The following SNX21 variants were observed in gnomAD, a reference collection of about 807,000 sequenced individuals.
The protein encoded by SNX21 is sorting nexin-21.
A neutral mutation model predicts 30.9 loss-of-function variants in SNX21; 36 were observed. The ratio of observed to expected loss-of-function variants is 1.16; its 90% CI spans 0.89 to 1.54. The LOEUF (loss-of-function observed/expected upper bound fraction) is 1.54. SNX21 is among the 40% of genes most tolerant of loss of function. The pLI, the probability that SNX21 is intolerant of heterozygous loss-of-function variation, is 0.00. For missense variants in SNX21, 508 were observed against 516.5 expected (o/e 0.98, Z 0.16); for synonymous variants, 218 against 222.7 (o/e 0.98, Z 0.19).
intron 3 of SNX21, chr20:45,840,353 G>T: frequency 6.2e-7 from 1 of 1,613,072 alleles, no homozygotes; most frequent in Non-Finnish European, 8.5e-7. Context: ...ATGCTCTATG[G>T]GAAGGGAGTA....
In SNX21 at chr20:45,834,476, CAGG is replaced by C; in HGVS notation, c.289+13_289+15del. 2 of 1,594,272 alleles carry C rather than the reference CAGG, an allele frequency of 1.3e-6. No individual in the cohort carries two copies. The highest frequency in any genetic ancestry group is 8.5e-7 in the Non-Finnish European group (1 of 1,174,970). ...CGTCAGGAGAAGACGCAGGCGAGTG[CAGG>C]AGGACGGAGGCGGGAACCCTGGGGC... On this transcript the variant is annotated intron_variant, in intron 2 of 3. Transcript: ENST00000491381.
chr20:45,834,336 C>T lies in SNX21; in HGVS notation c.157C>T (p.Leu53=), dbSNP rs1286320592. The T allele has an allele frequency of 4.4e-6, 7 of 1,599,576 alleles. No homozygotes were observed. Among genetic ancestry groups the T allele is most frequent in the Non-Finnish European group, 4.2e-6 (5 of 1,177,460 alleles). The change falls in exon 2 of 4, where the codon CTG becomes TTG. Residue 53 remains leucine, a synonymous_variant. Transcript: ENST00000491381. The stretch of plus-strand genomic sequence containing the variant: ...GCTGGAGGACGACGACGCCGAGGGC[C>T]TGTCCTCCCGACTCAGCGGCACCCT... ...SELEDDDAEG[L]SSRLSGTLSF...
At position 45,834,262 on chromosome 20, in the gene SNX21, G is replaced by T; in HGVS notation, c.83G>T (p.Gly28Val). The T allele has an allele frequency of 1.3e-6, 2 of 1,582,722 alleles. No individual in the cohort carries two copies. Among genetic ancestry groups the T allele is most frequent in the Non-Finnish European group, 1.7e-6 (2 of 1,171,166 alleles). Residue 28 changes from glycine to valine, a missense_variant, in exon 2 of 4, where the codon GGG becomes GTG. Gly to Val is a moderately radical substitution (Grantham distance 109, BLOSUM62 -3). Transcript: ENST00000491381. The part of the protein sequence containing the change: ...LRHALAGDGP[G>V]EAAASPEAEQ... ...CACGCCTTGGCCGGCGACGGCCCCG[G>T]GGAGGCGGCGGCCAGTCCAGAGGCC...
Position 45,842,515 on chromosome 20 carries a change from G to A in SNX21, c.*1202G>A, listed in dbSNP as rs1984293130. 2.0e-6 allele frequency: 2 copies of A among 1,015,484 alleles called. No individual in the cohort carries two copies. Among genetic ancestry groups the A allele is most frequent in the South Asian group, 4.0e-5 (1 of 25,088 alleles). 62.9% of individuals were successfully genotyped at this position (1,015,484 alleles called of 1,614,324 possible). ...CACTACCACCACCAAGGGGAAGAAAGGACTCAGAAGAGAGGACTTGAGGCC... is the reference window on the plus strand; with the variant it reads ...CACTACCACCACCAAGGGGAAGAAAAGACTCAGAAGAGAGGACTTGAGGCC... On this transcript the variant is annotated 3_prime_UTR_variant, in exon 4 of 4. Coordinates refer to ENST00000491381, the MANE Select transcript of SNX21 (RefSeq NM_033421.4).
chr20:45,842,638 C>T lies in SNX21; in HGVS notation c.*1325C>T, dbSNP rs1321989904. 8.1e-6 allele frequency: 8 copies of T among 992,868 alleles called. No individual in the cohort carries two copies. Among genetic ancestry groups the T allele is most frequent in the Non-Finnish European group, 9.6e-6 (8 of 834,508 alleles). 61.5% of individuals were successfully genotyped at this position (992,868 alleles called of 1,614,324 possible). A position where few individuals can be genotyped will look rare whatever the true frequency, so the allele number is the denominator to read the frequency against. ...TTTATGAGGATGATTGCTGGTTTCC[C>T]TTACACATAGCAGAGCTCACTCAGT... On this transcript the variant is annotated 3_prime_UTR_variant, in exon 4 of 4. Transcript: ENST00000491381.
At position 45,842,089 on chromosome 20, in the gene SNX21, C is replaced by T; in HGVS notation, c.*776C>T. ...CGCCTGGGTTCAAGGGATCCTCCCG[C>T]CTCAGCCTCCTGAGCAGCTGGGATT... On this transcript the variant is annotated 3_prime_UTR_variant, in exon 4 of 4. Coordinates refer to ENST00000491381, the MANE Select transcript of SNX21 (RefSeq NM_033421.4). 2 of 1,537,890 alleles carry T rather than the reference C, an allele frequency of 1.3e-6. No individual in the cohort carries two copies. Among genetic ancestry groups the T allele is most frequent in the Non-Finnish European group, 8.7e-7 (1 of 1,146,890 alleles).
At position 45,841,443 on chromosome 20, in the gene SNX21, ATG is replaced by A. The variant is rs1159169154; in HGVS notation, c.*133_*134del. 1.4e-6 allele frequency: 2 copies of A among 1,448,018 alleles called. No individual in the cohort carries two copies. Among genetic ancestry groups the A allele is most frequent in the African/African-American group, 2.9e-5 (2 of 69,888 alleles). 89.7% of individuals were successfully genotyped at this position (1,448,018 alleles called of 1,614,324 possible). The stretch of plus-strand genomic sequence containing the variant: ...GAGCCCCTAGAAGTTCCAAAAGAGA[ATG>A]TGAAGCAGATCAAGGAAACTTCTGT... On this transcript the variant is annotated 3_prime_UTR_variant, in exon 4 of 4. Transcript: ENST00000491381.
intron 3 of SNX21, chr20:45,838,402 C>T (rs1173719398): frequency 6.6e-6 from 1 of 151,206 alleles, no homozygotes; most frequent in Non-Finnish European, 1.5e-5. Context: ...TTTTAAAAGA[C>T]AACTTCATAG....
rs1380651298 is a variant in SNX21, at chr20:45,841,950, G to A, written c.*637G>A. 1 of 1,613,232 alleles carries A rather than the reference G, an allele frequency of 6.2e-7. No individual in the cohort carries two copies. The highest frequency in any genetic ancestry group is 8.5e-7 in the Non-Finnish European group (1 of 1,180,002). ...CAGCCGCCCATGGACCAGCCCCCGAGAGCCACCTGTGGGTGAGGTGAAGGG... is the reference window on the plus strand; with the variant it reads ...CAGCCGCCCATGGACCAGCCCCCGAAAGCCACCTGTGGGTGAGGTGAAGGG... On this transcript the variant is annotated 3_prime_UTR_variant, in exon 4 of 4. Transcript: ENST00000491381.
intron 3 of SNX21, 37 bp from the exon 4 acceptor site, chr20:45,840,602 C>A: frequency 6.2e-7 from 1 of 1,614,106 alleles, no homozygotes; most frequent in Non-Finnish European, 8.5e-7. Context: ...GGCCCGTGGA[C>A]AACTTGCATT....
At chr20:45,837,174 G>T (rs567450817) in intron 3 of SNX21, among the ~76,000 whole-genome samples, 28 of 152,170 alleles carry the variant, frequency 1.8e-4, no homozygotes, top group Non-Finnish European at 3.4e-4. Flanking sequence ...ATGTTACAAG[G>T]TCAATGAGAT....
Position 45,841,746 on chromosome 20 carries a change from G to A in SNX21, c.*433G>A. 1 of 1,455,002 alleles carries A rather than the reference G, an allele frequency of 6.9e-7. No homozygotes were observed. The allele number at this position is 1,455,002 out of a possible 1,614,324, so 90.1% of individuals were successfully genotyped here. On this transcript the variant is annotated 3_prime_UTR_variant, in exon 4 of 4. Transcript: ENST00000491381. ...TCCAGTGGTATCAGTCTCTTTATTGGATGTGAGGGCCAAAAGGGACTGTAA... is the reference window on the plus strand; with the variant it reads ...TCCAGTGGTATCAGTCTCTTTATTGAATGTGAGGGCCAAAAGGGACTGTAA...
At chr20:45,838,679 A>G (rs1377299725) in intron 3 of SNX21, among the ~76,000 whole-genome samples, 17 of 151,506 alleles carry the variant, frequency 1.1e-4, no homozygotes, top group Admixed American at 1.1e-3. Flanking sequence ...GCTTGAACCC[A>G]GGAGGCAGAG....
rs145116565 is a variant in SNX21 at position 45,841,099 on chromosome 20, G to C, written c.908G>C (p.Arg303Pro). The C allele has an allele frequency of 6.2e-7, 1 of 1,609,144 alleles. No homozygotes were observed. Among genetic ancestry groups the C allele is most frequent in the Non-Finnish European group, 8.5e-7 (1 of 1,178,362 alleles). Residue 303 changes from arginine to proline, a missense_variant, in exon 4 of 4, where the codon CGG (arginine) becomes CCG (proline). By Grantham distance (103) the Arg-to-Pro change is moderately radical. Transcript: ENST00000491381. Reference sequence around the variant, plus strand: ...GAGCTGGAAGACCCTGGAGAGGCCCGGGCATGCTGTGAGAAGGCCCTGCAG... The same window carrying C: ...GAGCTGGAAGACCCTGGAGAGGCCCCGGCATGCTGTGAGAAGGCCCTGCAG... The part of the protein sequence containing the change: ...HQELEDPGEA[R>P]ACCEKALQLL...
At chr20:45,836,006 G>T (rs981295369) in intron 3 of SNX21, among the ~76,000 whole-genome samples, 19 of 152,282 alleles carry the variant, frequency 1.2e-4, no homozygotes, top group African/African-American at 4.1e-4. Flanking sequence ...ACTCCTGTCA[G>T]TGGCAGCTCT....
In SNX21 at chr20:45,842,351, G is replaced by C. The variant is rs1183404219; in HGVS notation, c.*1038G>C. The C allele has an allele frequency of 2.2e-6, 3 of 1,367,808 alleles. No individual in the cohort carries two copies. Among genetic ancestry groups the C allele is most frequent in the Non-Finnish European group, 2.8e-6 (3 of 1,062,122 alleles). 84.7% of individuals were successfully genotyped at this position (1,367,808 alleles called of 1,614,324 possible). A position where few individuals can be genotyped will look rare whatever the true frequency, so the allele number is the denominator to read the frequency against. ...CCTCAAAAAGATCACAGAGGGAGGA[G>C]CTCTGAGAACAGTCTCCTTCAACAG... On this transcript the variant is annotated 3_prime_UTR_variant, in exon 4 of 4. Transcript: ENST00000491381.
Position 45,840,709 on chromosome 20 carries a change from C to A in SNX21, c.518C>A (p.Ser173Ter). Residue 173 changes from serine to a stop codon, truncating the protein, a stop_gained, in exon 4 of 4, where the codon TCG becomes TAG. Transcript: ENST00000491381. LOFTEE classifies it high-confidence loss of function. ...CQPAQISRRY[S>*]DFERLHRNLQ... ...CCAGCCCAGATCTCTCGCCGTTACT[C>A]GGACTTTGAGCGGCTGCACCGAAAC... 1 of 1,614,200 alleles carries A rather than the reference C, an allele frequency of 6.2e-7. No individual in the cohort carries two copies. The highest frequency in any genetic ancestry group is 8.5e-7 in the Non-Finnish European group (1 of 1,180,048).
chr20:45,839,905 TC>T (rs1197477552), intron 3 of SNX21, among the ~76,000 whole-genome samples: 2 of 152,040 alleles, frequency 1.3e-5, no homozygotes, highest in Non-Finnish European at 2.9e-5. Context: ...AGACCCTGTC[TC>T]AAAAAATAAT....
Position 45,834,453 on chromosome 20 carries a change from T to TCAGGAGAAGACGCAGGCGAGTG in SNX21, c.281_289+13dup, listed in dbSNP as rs1364604837. 6.2e-6 allele frequency: 10 copies of TCAGGAGAAGACGCAGGCGAGTG among 1,604,634 alleles called. No homozygotes were observed. Among genetic ancestry groups the TCAGGAGAAGACGCAGGCGAGTG allele is most frequent in the Non-Finnish European group, 8.5e-6 (10 of 1,179,178 alleles). Reference sequence around the variant, plus strand: ...CCAGCTGCCCCTCGGGGATGGGACGTCAGGAGAAGACGCAGGCGAGTGCAG... The same window carrying TCAGGAGAAGACGCAGGCGAGTG: ...CCAGCTGCCCCTCGGGGATGGGACGTCAGGAGAAGACGCAGGCGAGTGCAGGAGAAGACGCAGGCGAGTGCAG... On this transcript the variant is annotated frameshift_variant, in exon 2 of 4. Transcript: ENST00000491381. LOFTEE classifies it high-confidence loss of function.
Sources: gnomAD v4.1 joint callset for allele counts (sites outside exome capture counted in the v4.1 genomes callset) on GRCh38, gnomAD v4.1.1 for gene constraint, MANE v1.5 for transcripts, NCBI Gene and HGNC (gene_info 2026-07-23, HGNC 2026-07-21) for gene names.